Variants in GNAS observed in about 807,000 individuals in gnomAD.
GNAS encodes the protein GNAS complex locus.
In GNAS, 8 loss-of-function variants were observed where a neutral mutation model predicts 54.5. That is an observed-to-expected ratio of 0.15 (90% CI 0.09 to 0.26). GNAS has a LOEUF of 0.26. GNAS is among the 10% of genes least tolerant of loss of function. The probability of loss-of-function intolerance (pLI) is 1.00; values close to 1 mark genes in which losing one functional copy is unlikely to be tolerated. For synonymous variants in GNAS, 204 were observed against 191.4 expected (o/e 1.07, Z -0.54); for missense variants, 170 against 529.8 (o/e 0.32, Z 6.67).
intron 1 of GNAS, among the ~76,000 whole-genome samples, chr20:58,865,538 A>G (rs2087013374): frequency 7.2e-6 from 1 of 139,638 alleles, no homozygotes; most frequent in Non-Finnish European, 1.5e-5. Flanking sequence ...TCTATAATAT[A>G]AAATACTTTT....
upstream of GNAS, chr20:58,840,482 G>A (rs763994300): frequency 2.5e-6 from 4 of 1,613,428 alleles, no homozygotes; most frequent in East Asian, 6.7e-5. This position sits in a 1 kb window ranked among gnomAD's most constrained non-coding sequence, Gnocchi z 6.0. Flanking sequence ...GACCGACTTC[G>A]AGACCGAGCC....
At chr20:58,874,185 G>A (rs578043922) in intron 1 of GNAS, among the ~76,000 whole-genome samples, 2 of 152,348 alleles carry the variant, frequency 1.3e-5, no homozygotes, top group South Asian at 2.1e-4. Context: ...TCATGGGACT[G>A]AATGAGGCCT....
In GNAS at chr20:58,910,378, T is replaced by A. The variant is rs778395812; in HGVS notation, c.1015T>A (p.Tyr339Asn). ...GEDPRVTRAK[Y>N]FIRDEFLRIS... is the part of the protein sequence containing the mutation. ...GGACCCACGCGTGACCCGGGCCAAG[T>A]ACTTCATTCGAGATGAGTTTCTGGT... is the stretch of plus-strand genomic sequence containing the variant. The change falls in exon 12 of 13, where the codon TAC becomes AAC. Residue 339 changes from tyrosine (Y) to asparagine (N), a missense_variant. Physicochemically the swap from Tyr to Asn is moderately radical, Grantham distance 143. Around this residue, in one of 3 missense-constraint regions of GNAS, gnomAD observed 36 missense variants for 223.0 expected, o/e 0.16. Transcript: ENST00000371085. The surrounding 1 kb of genome is among the most constrained non-coding windows in gnomAD (Gnocchi z 5.8). The A allele has an allele frequency of 6.2e-7, 1 of 1,612,780 alleles. No individual in the cohort carries two copies.
chr20:58,852,982 G>A (rs2086244413), intron 1 of GNAS: 1 of 1,221,978 alleles, frequency 8.2e-7, no homozygotes, highest in African/African-American at 1.5e-5. Context: ...GAGGGCGTAA[G>A]GATAGACCAA....
chr20:58,870,752 G>A (rs1271552573), intron 1 of GNAS, among the ~76,000 whole-genome samples: 1 of 152,132 alleles, frequency 6.6e-6, no homozygotes, highest in Non-Finnish European at 1.5e-5. Context: ...CTCCCTTAGA[G>A]GGAACCACAC....
At chr20:58,901,989 A>G (rs1601099381) in intron 3 of GNAS, among the ~76,000 whole-genome samples, 1 of 152,094 alleles carries the variant, frequency 6.6e-6, no homozygotes, top group Admixed American at 6.5e-5. Flanking sequence ...ACTCCAGTCT[A>G]TGAATTGGTG....
At chr20:58,855,469 A>G in intron 1 of GNAS, 2 of 858,512 alleles carry the variant, frequency 2.3e-6, no homozygotes, top group Non-Finnish European at 3.9e-6. Flanking sequence ...AACTTGCTAG[A>G]AAGTTCCAGG....
chr20:58,881,135 T>G (rs778718955), intron 1 of GNAS, among the ~76,000 whole-genome samples: 16 of 152,222 alleles, frequency 1.1e-4, no homozygotes, highest in Non-Finnish European at 2.1e-4. Flanking sequence ...AAAAGAAAAC[T>G]AAGGAACTTT....
intron 3 of GNAS, chr20:58,903,319 T>C (rs2090797603): frequency 3.1e-6 from 2 of 648,124 alleles, no homozygotes; most frequent in African/African-American, 3.6e-5. Context: ...TTTGCTAATC[T>C]GCCCCGATTG....
intron 1 of GNAS, among the ~76,000 whole-genome samples, chr20:58,846,643 CAAAGACCGGCAGCCAGCA>C (rs1380162611): frequency 6.6e-6 from 1 of 152,204 alleles, no homozygotes; most frequent in East Asian, 1.9e-4. Flanking sequence ...GGGCACAGGC[CAAAGACCGGCAGCCAGCA>C]GAAGACCACG....
At chr20:58,866,289 A>C (rs573895926) in intron 1 of GNAS, among the ~76,000 whole-genome samples, 1 of 152,266 alleles carries the variant, frequency 6.6e-6, no homozygotes, top group Non-Finnish European at 1.5e-5. Flanking sequence ...TGCAGGAGAG[A>C]GGGGCAGTGG....
intron 1 of GNAS, among the ~76,000 whole-genome samples, chr20:58,893,066 C>CT (rs869179421): frequency 0.17 from 17,354 of 102,572 alleles, 2,218 homozygotes; most frequent in African/African-American, 0.24. Context: ...GGCGTGGTTT[C>CT]TTTTTTTTTT....
At position 58,902,725 on chromosome 20, in the gene GNAS, CTTTTTTTT is replaced by C. The variant is rs60022134; in HGVS notation, c.258-785_258-778del. 3.8e-3 allele frequency among the ~76,000 whole-genome samples: 261 copies of C among 69,520 alleles called. 2 individuals are homozygous for C. In the East Asian group the frequency reaches 0.054, roughly 14 times the overall value. 45.6% of individuals were successfully genotyped at this position (69,520 alleles called of 152,430 possible). A position where few individuals can be genotyped will look rare whatever the true frequency, so the allele number is the denominator to read the frequency against. ...AGTGCCTGGAGCATCGCACATACGACTTTTTTTTTTTTTTTTTTTTTTTTTTTTGACAG... is the reference window on the plus strand; with the variant it reads ...AGTGCCTGGAGCATCGCACATACGACTTTTTTTTTTTTTTTTTTTTGACAG... On this transcript the variant is annotated intron_variant, in intron 3 of 12. Coordinates refer to ENST00000371085, the MANE Select transcript of GNAS (RefSeq NM_000516.7).
At chr20:58,900,226 C>A (rs1235667106) in intron 3 of GNAS, 2 of 530,956 alleles carry the variant, frequency 3.8e-6, no homozygotes, top group Non-Finnish European at 6.7e-6. Flanking sequence ...TCTGCTGTAC[C>A]AAAAGTTGGC....
At chr20:58,908,580 T>A (rs955974704) in intron 6 of GNAS, among the ~76,000 whole-genome samples, 2 of 152,120 alleles carry the variant, frequency 1.3e-5, no homozygotes, top group Admixed American at 1.3e-4. Flanking sequence ...GTCACTTTAT[T>A]GTTTTTTAAC....
intron 3 of GNAS, 108 bp from the exon 4 acceptor site, chr20:58,903,423 C>T (rs534032029): frequency 1.0e-6 from 1 of 955,424 alleles, no homozygotes; most frequent in Non-Finnish European, 1.7e-6. Context: ...CCCACAACTC[C>T]CTGAAGAACA....
At chr20:58,905,990 CTA>C (rs2091018091) in intron 6 of GNAS, among the ~76,000 whole-genome samples, 1 of 152,070 alleles carries the variant, frequency 6.6e-6, no homozygotes. Flanking sequence ...CCTAGTGACT[CTA>C]GGTAGAGTTT....
chr20:58,905,607 C>A, intron 6 of GNAS, 127 bp downstream of exon 6: 1 of 715,862 alleles, frequency 1.4e-6, no homozygotes, highest in East Asian at 2.6e-5. Flanking sequence ...CCAGTTACCC[C>A]ACTGGCAGAA....
Position 58,910,120 on chromosome 20 carries a change from G to C in GNAS, c.970+39G>C. ...CCACTCTTGCTGGCTGTTCATTGCGGTGGTTCTTTTTCAAACGGTCAGGCT... is the reference window on the plus strand; with the variant it reads ...CCACTCTTGCTGGCTGTTCATTGCGCTGGTTCTTTTTCAAACGGTCAGGCT... On this transcript the variant is annotated intron_variant, in intron 11 of 12. Transcript: ENST00000371085. This position sits in a 1 kb window ranked among gnomAD's most constrained non-coding sequence, Gnocchi z 5.8. 6.2e-7 allele frequency: 1 copy of C among 1,607,552 alleles called. No individual in the cohort carries two copies. Among genetic ancestry groups the C allele is most frequent in the Non-Finnish European group, 8.5e-7 (1 of 1,174,136 alleles).
Sources: allele counts gnomAD v4.1 joint callset (sites outside exome capture counted in the v4.1 genomes callset), GRCh38; gene constraint gnomAD v4.1.1; regional missense constraint gnomAD v4.1.1; non-coding constraint Gnocchi (gnomAD v3.1); transcripts MANE v1.5; gene names NCBI Gene and HGNC (gene_info 2026-07-23, HGNC 2026-07-21).